The following SCML4 variants were observed in gnomAD, a reference collection of about 807,000 sequenced individuals.
SCML4 encodes the protein Scm polycomb group protein like 4, also known as sex comb on midleg-like protein 4.
A neutral mutation model predicts 41.1 loss-of-function variants in SCML4; 34 were observed. The observed-to-expected ratio is 0.83, with a 90% CI of 0.63 to 1.10. The LOEUF is 1.10. Ranked by LOEUF, SCML4 falls within the 50% of genes least tolerant of loss-of-function variation. SCML4 has a pLI of 0.00. For synonymous variants in SCML4, 214 were observed against 220.9 expected, an observed-to-expected ratio of 0.97 and a Z score of 0.28; for missense variants, 522 against 534.1, an observed-to-expected ratio of 0.98 and a Z score of 0.22.
Position 107,752,051 on chromosome 6 carries a change from C to T in SCML4, c.157-2238G>A, listed in dbSNP as rs192771945. ...TGGATTGTGGTGATGATAGCAGTGG[C>T]GGTGATGAGAAGTAGACAGATCCTG... is the stretch of plus-strand genomic sequence containing the variant. On this transcript the variant is annotated intron_variant, in intron 2 of 7. Coordinates refer to ENST00000369020, the MANE Select transcript of SCML4 (RefSeq NM_198081.5). 5.1e-3 allele frequency among the ~76,000 whole-genome samples: 781 copies of T among 152,138 alleles called. 11 individuals are homozygous for T. In the East Asian group the frequency reaches 0.064, roughly 12 times the overall value.
Position 107,720,723 on chromosome 6 carries a change from G to C in SCML4, c.953C>G (p.Ser318Cys). 1.3e-6 allele frequency: 2 copies of C among 1,572,578 alleles called. No homozygotes were observed. ...PASSPKRNTT[S>C]LEGNRCASSP... is the part of the protein sequence containing the mutation. ...ATTACCACATCTGTTTCCTTCAAGA[G>C]AGGTCGTGTTTCTCTTGGGGCTGGA... is the stretch of plus-strand genomic sequence containing the variant. Residue 318 changes from serine to cysteine, a missense_variant, in exon 6 of 8, where the codon TCT becomes TGT. Ser to Cys is a moderately radical substitution (Grantham distance 112). Coordinates refer to ENST00000369020, the MANE Select transcript of SCML4 (RefSeq NM_198081.5).
Position 107,705,091 on chromosome 6 carries a change from T to C in SCML4, c.*109A>G. ...TAAAAAGACCACGTCTCTGTGGCTG[T>C]TAATTTTAAGAGGAGAGTCTAGTTT... On this transcript the variant is annotated 3_prime_UTR_variant, in exon 8 of 8. Transcript: ENST00000369020. 2 of 1,030,442 alleles carry C rather than the reference T, an allele frequency of 1.9e-6. No homozygotes were observed. Among genetic ancestry groups the C allele is most frequent in the Non-Finnish European group, 1.5e-6 (1 of 681,916 alleles). The allele number at this position is 1,030,442 out of a possible 1,614,324, so 63.8% of individuals were successfully genotyped here.
the SCML4 span, among the ~76,000 whole-genome samples, chr6:107,839,652 C>T: frequency 6.6e-6 from 1 of 152,056 alleles, no homozygotes; most frequent in Admixed American, 6.6e-5. Context: ...TTTTAAGCAT[C>T]CTCATTAAAA....
At chr6:107,730,285 T>C (rs1460611341) in intron 5 of SCML4, among the ~76,000 whole-genome samples, 1 of 152,228 alleles carries the variant, frequency 6.6e-6, no homozygotes, top group Admixed American at 6.5e-5. Context: ...ATCTAACTCC[T>C]GCACACAGAG....
At chr6:107,773,589 C>CAAAAAAAAA (rs5878938) in intron 1 of SCML4, among the ~76,000 whole-genome samples, 19 of 76,970 alleles carry the variant, frequency 2.5e-4, no homozygotes, top group African/African-American at 7.8e-4. Flanking sequence ...AAGACTGTCT[C>CAAAAAAAAA]AAAAAAAAAA....
chr6:107,829,826 G>C, the SCML4 span, among the ~76,000 whole-genome samples: 1 of 152,152 alleles, frequency 6.6e-6, no homozygotes. Context: ...TGATTGATTA[G>C]TAACAGAATT....
At chr6:107,754,227 T>C (rs1360500421) in intron 2 of SCML4, among the ~76,000 whole-genome samples, 2 of 152,246 alleles carry the variant, frequency 1.3e-5, no homozygotes, top group African/African-American at 4.8e-5. Context: ...AATAGAGATT[T>C]CGTCTTATTC....
intron 6 of SCML4, chr6:107,720,395 A>C (rs1047427107): frequency 1.9e-6 from 2 of 1,057,374 alleles, no homozygotes; most frequent in East Asian, 7.0e-5. Context: ...AGATGCATCC[A>C]TGAATCAGGA....
At chr6:107,828,304 T>G (rs546599067), upstream of SCML4, among the ~76,000 whole-genome samples, 6 of 152,224 alleles carry the variant, frequency 3.9e-5, no homozygotes, top group African/African-American at 1.4e-4. Context: ...TGACTTTCTA[T>G]AACACGGGAC....
chr6:107,717,938 G>A (rs1381311258), intron 6 of SCML4, among the ~76,000 whole-genome samples: 1 of 152,190 alleles, frequency 6.6e-6, no homozygotes, highest in African/African-American at 2.4e-5. Context: ...AGGCACAGGT[G>A]GACTCCGTGT....
rs1491328698 is a variant in SCML4 at position 107,714,975 on chromosome 6, TTA to T, written c.973+5726_973+5727del. 3.3e-3 allele frequency among the ~76,000 whole-genome samples: 320 copies of T among 96,750 alleles called. 14 individuals are homozygous for T. The highest frequency in any genetic ancestry group is 9.8e-3 in the East Asian group (33 of 3,366). The allele number at this position is 96,750 out of a possible 152,430, so 63.5% of individuals were successfully genotyped here. On this transcript the variant is annotated intron_variant, in intron 6 of 7. Transcript: ENST00000369020. ...TCCCTGGTGTCCCTGCACAAACCCT[TTA>T]TTTTTTTTTTTTTTTGAGATGAAGT...
intron 1 of SCML4, among the ~76,000 whole-genome samples, chr6:107,782,033 G>C (rs770488499): frequency 1.3e-5 from 2 of 152,134 alleles, no homozygotes; most frequent in African/African-American, 4.8e-5. Context: ...CCCCCAAGAG[G>C]GGTACAACAG....
chr6:107,720,477 T>A (rs1256989129), intron 6 of SCML4: 15 of 1,277,148 alleles, frequency 1.2e-5, no homozygotes, highest in Non-Finnish European at 1.5e-5. Context: ...AGTCTACGTA[T>A]CCTGTGGCCT....
At position 107,702,531 on chromosome 6, in the gene SCML4, A is replaced by G. The variant is rs1773267055; in HGVS notation, c.*2669T>C. Among the ~76,000 whole-genome samples, 1 of 152,176 alleles carries G rather than the reference A, an allele frequency of 6.6e-6. No homozygotes were observed. Among genetic ancestry groups the G allele is most frequent in the African/African-American group, 2.4e-5 (1 of 41,434 alleles). ...ATGGAAGAGGTACCACAAGTATCGGAAGATTGAGAAAAAAAAGAGGAGTGA... is the reference window on the plus strand; with the variant it reads ...ATGGAAGAGGTACCACAAGTATCGGGAGATTGAGAAAAAAAAGAGGAGTGA... On this transcript the variant is annotated 3_prime_UTR_variant, in exon 8 of 8. Transcript: ENST00000369020.
At chr6:107,745,715 G>C (rs1778012725) in intron 4 of SCML4, 1 of 152,500 alleles carries the variant, frequency 6.6e-6, no homozygotes, top group Admixed American at 6.5e-5. Flanking sequence ...AGTACAGAGA[G>C]GCGGGGTGTG....
At chr6:107,804,461 C>G (rs1275216590) in intron 1 of SCML4, among the ~76,000 whole-genome samples, 1 of 151,988 alleles carries the variant, frequency 6.6e-6, no homozygotes, top group East Asian at 1.9e-4. Flanking sequence ...TCTGGAGGGG[C>G]CAGGAGAGAA....
chr6:107,782,803 GGGAGGT>G, intron 1 of SCML4, among the ~76,000 whole-genome samples: 1 of 147,056 alleles, frequency 6.8e-6, no homozygotes, highest in Admixed American at 6.7e-5. Flanking sequence ...TTTGCCTGAT[GGGAGGT>G]GCTGGTCTGA....
intron 1 of SCML4, among the ~76,000 whole-genome samples, chr6:107,814,515 C>A (rs1784423720): frequency 6.6e-6 from 1 of 152,210 alleles, no homozygotes; most frequent in Non-Finnish European, 1.5e-5. Context: ...TTTAAGCCAA[C>A]CTACAGAAGA....
intron 2 of SCML4, among the ~76,000 whole-genome samples, chr6:107,757,621 C>T (rs1022757009): frequency 6.6e-6 from 1 of 152,122 alleles, no homozygotes; most frequent in African/African-American, 2.4e-5. Flanking sequence ...GTACTTAGGC[C>T]CTCAGAGCCT....
Sources: gnomAD v4.1 joint callset for allele counts (sites outside exome capture counted in the v4.1 genomes callset) on GRCh38, gnomAD v4.1.1 for gene constraint, MANE v1.5 for transcripts, NCBI Gene and HGNC (gene_info 2026-07-23, HGNC 2026-07-21) for gene names.